The following TTC39B variants were observed in gnomAD, a reference collection of about 807,000 sequenced individuals.
TTC39B encodes tetratricopeptide repeat protein 39B.
A neutral mutation model predicts 96.6 loss-of-function variants in TTC39B; 92 were observed. That is an observed-to-expected ratio of 0.95 (90% CI 0.80 to 1.13). TTC39B has a LOEUF of 1.13. Ranked by LOEUF, TTC39B falls within the 50% of genes most tolerant of loss-of-function variation. The pLI, the probability that TTC39B is intolerant of heterozygous loss-of-function variation, is 0.00. For synonymous variants in TTC39B, 367 were observed against 299.4 expected (o/e 1.23, Z -2.33); for missense variants, 955 against 809.3 (o/e 1.18, Z -2.18).
intron 16 of TTC39B, 57 bp downstream of exon 16, chr9:15,185,223 G>A (rs1419341076): frequency 6.5e-7 from 1 of 1,548,572 alleles, no homozygotes; most frequent in Non-Finnish European, 8.7e-7. Flanking sequence ...TATGCTCCCT[G>A]CTGCTGTGAG....
chr9:15,272,450 G>A (rs1216897680), intron 1 of TTC39B, among the ~76,000 whole-genome samples: 2 of 152,156 alleles, frequency 1.3e-5, no homozygotes, highest in Admixed American at 1.3e-4. Context: ...AGACAGGAGA[G>A]CTCACACTGC....
exon 20 of TTC39B, chr9:15,165,138 G>C (rs978095896): frequency 7.2e-5 from 11 of 152,370 alleles, no homozygotes; most frequent in African/African-American, 2.6e-4. Context: ...CCTGAGGTCA[G>C]GAGTTCGAGA....
At chr9:15,285,981 A>G (rs1467896163) in intron 1 of TTC39B, among the ~76,000 whole-genome samples, 1 of 152,076 alleles carries the variant, frequency 6.6e-6, no homozygotes, top group African/African-American at 2.4e-5. Context: ...CTTCCTATCG[A>G]TCAATCAATC....
exon 17 of TTC39B, chr9:15,182,370 T>G (rs1818293123): frequency 6.2e-7 from 1 of 1,612,170 alleles, no homozygotes; most frequent in African/African-American, 1.3e-5. Context: ...GAAAGGTCTT[T>G]TCTTTTGCTC....
At chr9:15,234,085 A>G (rs1474818386) in intron 2 of TTC39B, among the ~76,000 whole-genome samples, 1 of 134,266 alleles carries the variant, frequency 7.4e-6, no homozygotes. Context: ...CCCGGCCGCG[A>G]CCCCATCTGG....
At chr9:15,276,201 G>A (rs1433696493) in intron 1 of TTC39B, among the ~76,000 whole-genome samples, 1 of 152,220 alleles carries the variant, frequency 6.6e-6, no homozygotes, top group Admixed American at 6.5e-5. Context: ...GAAGAAAGGA[G>A]TGGGTTAATT....
intron 5 of TTC39B, 62 bp downstream of exon 5, chr9:15,211,204 T>C: frequency 7.2e-7 from 1 of 1,390,320 alleles, no homozygotes; most frequent in Non-Finnish European, 9.4e-7. Flanking sequence ...AATGACATTA[T>C]TTTTGTCACA....
intron 2 of TTC39B, among the ~76,000 whole-genome samples, chr9:15,262,088 TTTTA>T (rs886359780): frequency 1.8e-4 from 27 of 152,100 alleles, no homozygotes; most frequent in African/African-American, 6.3e-4. Flanking sequence ...TTATTTTTTA[TTTTA>T]TTTATTTTAT....
chr9:15,214,335 T>C (rs1586888402), intron 3 of TTC39B, 86 bp from the exon 4 acceptor site: 2 of 814,846 alleles, frequency 2.5e-6, no homozygotes, highest in East Asian at 5.3e-5. Context: ...TGTGTGTGTG[T>C]GTGTGTGTGT....
Position 15,275,843 on chromosome 9 carries a change from C to T in TTC39B, c.241-7895G>A, listed in dbSNP as rs114094168. Among the ~76,000 whole-genome samples, 510 of 152,302 alleles carry T rather than the reference C, an allele frequency of 3.3e-3. 2 individuals are homozygous for T. Among genetic ancestry groups the T allele is most frequent in the African/African-American group, 0.012 (482 of 41,566 alleles). ...GAAACGGAAACATAGTCCATCTTCACTCACAGTGTTTACAAAGTGCTAGTA... is the reference window on the plus strand; with the variant it reads ...GAAACGGAAACATAGTCCATCTTCATTCACAGTGTTTACAAAGTGCTAGTA... On this transcript the variant is annotated intron_variant, in intron 1 of 19. Transcript: ENST00000512701.
chr9:15,192,509 G>C (rs961067191), intron 9 of TTC39B, 81 bp downstream of exon 9: 2 of 1,076,296 alleles, frequency 1.9e-6, no homozygotes, highest in African/African-American at 1.6e-5. Flanking sequence ...TTCAGGATGA[G>C]GTTCAAATGC....
intron 2 of TTC39B, among the ~76,000 whole-genome samples, chr9:15,243,942 G>T (rs1822160750): frequency 6.6e-6 from 1 of 152,174 alleles, no homozygotes; most frequent in African/African-American, 2.4e-5. Context: ...AAAGAAAATG[G>T]AAGGTAGTGC....
chr9:15,203,417 A>ATT (rs538878569), intron 7 of TTC39B, among the ~76,000 whole-genome samples: 18,722 of 142,896 alleles, frequency 0.13, 1,402 homozygotes, highest in Non-Finnish European at 0.18. Flanking sequence ...TGCCTGGCTA[A>ATT]TTTTTTTTTT....
chr9:15,279,502 A>G (rs189803999), intron 1 of TTC39B, among the ~76,000 whole-genome samples: 1 of 152,316 alleles, frequency 6.6e-6, no homozygotes, highest in African/African-American at 2.4e-5. Context: ...TTCACCACCC[A>G]CTGGCTCTGT....
intron 1 of TTC39B, among the ~76,000 whole-genome samples, chr9:15,284,275 G>A (rs949328998): frequency 3.3e-5 from 5 of 152,162 alleles, no homozygotes; most frequent in East Asian, 3.8e-4. Flanking sequence ...CAGAGATGCC[G>A]GAAAATAAGC....
chr9:15,194,334 T>C (rs1359994419), intron 8 of TTC39B, among the ~76,000 whole-genome samples: 5 of 152,208 alleles, frequency 3.3e-5, no homozygotes, highest in African/African-American at 4.8e-5. Context: ...GATTTTTCTA[T>C]AAAATGAACA....
intron 2 of TTC39B, among the ~76,000 whole-genome samples, chr9:15,265,860 A>G (rs901239182): frequency 2.0e-5 from 3 of 152,190 alleles, no homozygotes; most frequent in African/African-American, 7.2e-5. Flanking sequence ...ACCAATCTCA[A>G]TTAAGGGCCA....
chr9:15,163,810 G>A (rs1358216187), exon 20 of TTC39B: 1 of 152,146 alleles, frequency 6.6e-6, no homozygotes, highest in Admixed American at 6.5e-5. Context: ...TGATTTATTT[G>A]CACTTAAAAA....
intron 1 of TTC39B, among the ~76,000 whole-genome samples, chr9:15,300,783 C>A (rs147186749): frequency 6.7e-6 from 1 of 149,244 alleles, no homozygotes; most frequent in Non-Finnish European, 1.5e-5. Context: ...CTACTCGGAA[C>A]GCTGAGGCAG....
Sources: gnomAD v4.1 joint callset for allele counts (sites outside exome capture counted in the v4.1 genomes callset) on GRCh38, gnomAD v4.1.1 for gene constraint, MANE v1.5 for transcripts, NCBI Gene and HGNC (gene_info 2026-07-23, HGNC 2026-07-21) for gene names.